PAM: variants seen among roughly 807,000 people sequenced by gnomAD.
The protein encoded by PAM is peptidyl-glycine alpha-amidating monooxygenase.
A neutral mutation model predicts 122.1 loss-of-function variants in PAM; 72 were observed. The ratio of observed to expected loss-of-function variants is 0.59; its 90% confidence interval spans 0.49 to 0.72. PAM has a LOEUF of 0.72. Among genes scored for constraint, PAM ranks in the 30% least tolerant of loss-of-function variants. PAM has a pLI of 0.00. For synonymous variants in PAM, 389 were observed against 404.4 expected (o/e 0.96, Z 0.46); for missense variants, 1,106 against 1,183.7 (o/e 0.93, Z 0.96).
chr5:102,817,922 A>G lies in PAM; in HGVS notation c.-373-47901A>G, dbSNP rs73189011. On this transcript the variant is annotated intron_variant, in intron 1 of 25. Transcript: ENST00000438793. ...TTTAATTGCTCCTCCCCCTTCCTGG[A>G]GTGCTGTTCCTCCAGGTGTCTGCAG... 7.6e-3 allele frequency among the ~76,000 whole-genome samples: 1,125 copies of G among 148,036 alleles called. 13 individuals are homozygous for G. The highest frequency in any genetic ancestry group is 0.027 in the African/African-American group (1,073 of 40,084).
intron 15 of PAM, among the ~76,000 whole-genome samples, chr5:102,975,902 C>CT (rs980820132): frequency 7.9e-5 from 12 of 152,154 alleles, no homozygotes; most frequent in Non-Finnish European, 1.8e-4. Flanking sequence ...TTGTAGGCAT[C>CT]AAGAGTGTCA....
intron 1 of PAM, among the ~76,000 whole-genome samples, chr5:102,810,976 T>G (rs1767746754): frequency 6.6e-6 from 1 of 152,180 alleles, no homozygotes; most frequent in Non-Finnish European, 1.5e-5. Context: ...TTTACTCAGT[T>G]TTCTGTGTTC....
intron 14 of PAM, among the ~76,000 whole-genome samples, chr5:102,966,938 A>T (rs912076798): frequency 5.3e-5 from 8 of 152,158 alleles, no homozygotes; most frequent in Non-Finnish European, 8.8e-5. Flanking sequence ...GATCATTTTT[A>T]AAAAATAATA....
intron 1 of PAM, among the ~76,000 whole-genome samples, chr5:102,803,142 A>G (rs13161737): frequency 1.4e-5 from 2 of 142,032 alleles, no homozygotes; most frequent in Admixed American, 7.1e-5. Context: ...AGAAAGAAAG[A>G]AAGAAAGGAA....
intron 7 of PAM, among the ~76,000 whole-genome samples, chr5:102,931,373 C>T (rs1038830228): frequency 5.3e-5 from 8 of 152,092 alleles, no homozygotes; most frequent in African/African-American, 1.9e-4. Flanking sequence ...AACTTCCTGC[C>T]CTTAAGGAAA....
chr5:102,826,571 T>C (rs536535198), intron 1 of PAM, among the ~76,000 whole-genome samples: 24 of 152,262 alleles, frequency 1.6e-4, no homozygotes, highest in Non-Finnish European at 3.4e-4. Context: ...GAGGACGTAT[T>C]TGAGATGCAC....
chr5:102,891,485 G>A (rs1224148143), intron 3 of PAM, among the ~76,000 whole-genome samples: 1 of 151,826 alleles, frequency 6.6e-6, no homozygotes, highest in Non-Finnish European at 1.5e-5. Context: ...TCACTGTGAG[G>A]GAGGTAGGGA....
rs114960116 is a variant in PAM at position 102,862,345 on chromosome 5, G to A, written c.-373-3478G>A. Among the ~76,000 whole-genome samples the A allele has an allele frequency of 1.9e-3, 287 of 151,772 alleles. 1 individual carries two copies. Among genetic ancestry groups the A allele is most frequent in the African/African-American group, 6.5e-3 (268 of 41,348 alleles). On this transcript the variant is annotated intron_variant, in intron 1 of 25. Transcript: ENST00000438793. Reference sequence around the variant, plus strand: ...CAGTTCTTTGCCATTATAAACATCCGGGTCTTTGTTATTACGAACAATACT... The same window carrying A: ...CAGTTCTTTGCCATTATAAACATCCAGGTCTTTGTTATTACGAACAATACT...
At chr5:102,896,366 A>G (rs111943518) in intron 3 of PAM, among the ~76,000 whole-genome samples, 2 of 151,732 alleles carry the variant, frequency 1.3e-5, no homozygotes, top group Non-Finnish European at 3.0e-5. Context: ...GATAAAATTC[A>G]TATGAAAAAG....
At chr5:102,910,268 G>T (rs1052706451) in intron 4 of PAM, among the ~76,000 whole-genome samples, 8 of 151,904 alleles carry the variant, frequency 5.3e-5, no homozygotes, top group Non-Finnish European at 1.0e-4. Context: ...GCAATGAGGA[G>T]AAATTTTGCT....
chr5:102,977,701 A>C (rs1040806450), intron 15 of PAM, among the ~76,000 whole-genome samples: 2 of 137,130 alleles, frequency 1.5e-5, no homozygotes, highest in African/African-American at 2.7e-5. Context: ...CACACACACA[A>C]AATACAGCTT....
intron 16 of PAM, among the ~76,000 whole-genome samples, chr5:102,994,336 C>T (rs1198254822): frequency 6.6e-6 from 1 of 152,094 alleles, no homozygotes; most frequent in Non-Finnish European, 1.5e-5. Flanking sequence ...TTAATTTATT[C>T]CCATTTATCC....
rs778346197 is a variant in PAM at position 103,007,463 on chromosome 5, C to T, written c.2021C>T (p.Ser674Leu). The change falls in exon 20 of 26, where the codon TCA (serine) becomes TTA (leucine). Residue 674 changes from serine to leucine, a missense_variant. Ser to Leu is a moderately radical substitution (Grantham distance 145, BLOSUM62 -2). Transcript: ENST00000438793. The stretch of plus-strand genomic sequence containing the variant: ...GCTTTTTTTTGTTCTGCAGAGTCTT[C>T]AGGGAGCAGTCCTCTGCCAGGCCAG... ...KFITQWGEES[S>L]GSSPLPGQFT... 1 of 1,613,672 alleles carries T rather than the reference C, an allele frequency of 6.2e-7. No individual in the cohort carries two copies. Among genetic ancestry groups the T allele is most frequent in the Non-Finnish European group, 8.5e-7 (1 of 1,179,726 alleles).
chr5:102,783,791 G>A (rs1759694685), intron 1 of PAM, among the ~76,000 whole-genome samples: 1 of 152,136 alleles, frequency 6.6e-6, no homozygotes, highest in Non-Finnish European at 1.5e-5. Context: ...CTGCCGTCAG[G>A]GAGCATACCA....
At chr5:102,928,116 C>G (rs969741355) in intron 7 of PAM, among the ~76,000 whole-genome samples, 16 of 152,144 alleles carry the variant, frequency 1.1e-4, no homozygotes, top group Admixed American at 9.8e-4. Context: ...CTTTCCAGAT[C>G]ACCACAACTA....
intron 1 of PAM, among the ~76,000 whole-genome samples, chr5:102,832,443 T>C (rs1257106954): frequency 1.3e-5 from 2 of 152,034 alleles, no homozygotes; most frequent in African/African-American, 4.8e-5. Context: ...GGAACCATAA[T>C]AGTACTGAAT....
intron 16 of PAM, among the ~76,000 whole-genome samples, chr5:102,990,725 A>C (rs899889778): frequency 1.4e-4 from 21 of 152,192 alleles, no homozygotes; most frequent in Admixed American, 7.2e-4. Context: ...CTTAGTGAAA[A>C]TGTTCAAGAC....
In PAM at chr5:102,866,209, T is replaced by C; in HGVS notation, c.14T>C (p.Val5Ala). The C allele has an allele frequency of 6.2e-7, 1 of 1,612,874 alleles. No homozygotes were observed. The highest frequency in any genetic ancestry group is 8.5e-7 in the Non-Finnish European group (1 of 1,179,416). MAGR[V>A]PSLLVLLVFP... ...ATCGGCGTGGACATGGCTGGCCGCG[T>C]CCCTAGCCTGCTAGTTCTCCTTGTT... The change falls in exon 2 of 26, where the codon GTC (valine) becomes GCC (alanine). Residue 5 changes from valine to alanine, a missense_variant. By Grantham distance (64) the Val-to-Ala change is moderately conservative. Coordinates refer to ENST00000438793, the MANE Select transcript of PAM (RefSeq NM_001177306.2).
intron 1 of PAM, among the ~76,000 whole-genome samples, chr5:102,801,567 A>C (rs1435879057): frequency 6.6e-6 from 1 of 152,140 alleles, no homozygotes; most frequent in East Asian, 1.9e-4. Context: ...CCTTGCACAA[A>C]AAAACCTTGC....
Sources: allele counts gnomAD v4.1 joint callset (sites outside exome capture counted in the v4.1 genomes callset), GRCh38; gene constraint gnomAD v4.1.1; transcripts MANE v1.5; gene names NCBI Gene and HGNC (gene_info 2026-07-23, HGNC 2026-07-21).